CZIB: variants seen among roughly 807,000 people sequenced by gnomAD.
CZIB encodes UPF0587 protein C1orf123.
In CZIB, 26 loss-of-function variants were observed where a neutral mutation model predicts 28.3. The observed-to-expected ratio is 0.92, with a 90% CI of 0.67 to 1.27. CZIB has a LOEUF of 1.27. Among genes scored for constraint, CZIB ranks in the 50% most tolerant of loss-of-function variants. CZIB has a pLI of 0.00. For synonymous variants in CZIB, 78 were observed against 71.1 expected, an observed-to-expected ratio of 1.10 and a Z score of -0.49; for missense variants, 179 against 197.3, an observed-to-expected ratio of 0.91 and a Z score of 0.56.
At chr1:53,218,381 C>G (rs750456320) in intron 4 of CZIB, 33 bp downstream of exon 4, 3 of 1,613,046 alleles carry the variant, frequency 1.9e-6, no homozygotes, top group Non-Finnish European at 2.5e-6. Flanking sequence ...GTGGGCCACC[C>G]TGGCAGAACT....
In CZIB at chr1:53,220,590, C is replaced by A. The variant is rs773175591; in HGVS notation, c.-15G>T. 99 of 1,597,308 alleles carry A rather than the reference C, an allele frequency of 6.2e-5. 1 individual carries two copies. The highest frequency in any genetic ancestry group is 1.0e-5 in the Non-Finnish European group (12 of 1,179,050). The stretch of plus-strand genomic sequence containing the variant: ...CTCACCCCCATGGTAGCCCTCTCCG[C>A]CCGGTGCTGGCTGCGGCCCTTGCCG... On this transcript the variant is annotated 5_prime_UTR_variant, in exon 1 of 8. Transcript: ENST00000294360.
rs1645456355 is a variant in CZIB at position 53,214,557 on chromosome 1, C to T, written c.*102G>A. ...GCAGATTGTGAAGGTTTCGTATAGC[C>T]ACCAGGAGACAAGGGTCAAAGGAAC... On this transcript the variant is annotated 3_prime_UTR_variant, in exon 8 of 8. Coordinates refer to ENST00000294360, the MANE Select transcript of CZIB (RefSeq NM_017887.3). 2 of 947,470 alleles carry T rather than the reference C, an allele frequency of 2.1e-6. No homozygotes were observed. The highest frequency in any genetic ancestry group is 5.0e-5 in the East Asian group (2 of 40,286). 58.7% of individuals were successfully genotyped at this position (947,470 alleles called of 1,614,324 possible). A position where few individuals can be genotyped will look rare whatever the true frequency, so the allele number is the denominator to read the frequency against.
chr1:53,220,308 TG>T lies in CZIB; in HGVS notation c.42del (p.Asn14LysfsTer16). On this transcript the variant is annotated frameshift_variant, in exon 2 of 8. Transcript: ENST00000294360. LOFTEE classifies it high-confidence loss of function. ...IALQLKATLE[N>X]ITNLRPVGED... ...TCGCCCACGGGCCGGAGGTTGGTGA[TG>T]TTCTCCAGCGTGGCTTTGAGTTGCA... The T allele has an allele frequency of 1.2e-6, 2 of 1,613,572 alleles. No individual in the cohort carries two copies. The highest frequency in any genetic ancestry group is 1.7e-6 in the Non-Finnish European group (2 of 1,179,914).
In CZIB at chr1:53,214,576, A is replaced by G. The variant is rs931661630; in HGVS notation, c.*83T>C. On this transcript the variant is annotated 3_prime_UTR_variant, in exon 8 of 8. Transcript: ENST00000294360. ...TATAGCCACCAGGAGACAAGGGTCA[A>G]AGGAACGAGCCTCTGTGGGCTCTGC... is the stretch of plus-strand genomic sequence containing the variant. 2 of 1,231,490 alleles carry G rather than the reference A, an allele frequency of 1.6e-6. No individual in the cohort carries two copies. Among genetic ancestry groups the G allele is most frequent in the Non-Finnish European group, 2.4e-6 (2 of 848,324 alleles). The allele number at this position is 1,231,490 out of a possible 1,614,324, so 76.3% of individuals were successfully genotyped here.
chr1:53,220,095 A>G (rs1645509332), intron 2 of CZIB, 166 bp downstream of exon 2: 1 of 624,258 alleles, frequency 1.6e-6, no homozygotes, highest in Non-Finnish European at 2.7e-6. Context: ...AATTAGAGAT[A>G]AACCAATACA....
At chr1:53,220,210 G>A in intron 2 of CZIB, 51 bp downstream of exon 2, 2 of 1,497,670 alleles carry the variant, frequency 1.3e-6, no homozygotes, top group Non-Finnish European at 9.2e-7. Flanking sequence ...CTCCGGTTCA[G>A]CACTGAGATC....
chr1:53,220,542 G>C lies in CZIB; in HGVS notation c.6+28C>G, dbSNP rs759917785. 2.5e-6 allele frequency: 4 copies of C among 1,600,028 alleles called. No homozygotes were observed. In the South Asian group the frequency reaches 4.4e-5, roughly 18 times the overall value. ...CAGACCCTCGCCACCTCCCCTCCGT[G>C]TCCCCGCGGCGGGCGGCCTCCCCTC... On this transcript the variant is annotated intron_variant, in intron 1 of 7. Coordinates refer to ENST00000294360, the MANE Select transcript of CZIB (RefSeq NM_017887.3).
At position 53,220,560 on chromosome 1, in the gene CZIB, C is replaced by A; in HGVS notation, c.6+10G>T. 6.3e-7 allele frequency: 1 copy of A among 1,599,176 alleles called. No homozygotes were observed. The highest frequency in any genetic ancestry group is 8.5e-7 in the Non-Finnish European group (1 of 1,179,614). ...CCTCCGTGTCCCCGCGGCGGGCGGC[C>A]TCCCCTCACCCCCATGGTAGCCCTC... On this transcript the variant is annotated intron_variant, in intron 1 of 7. Coordinates refer to ENST00000294360, the MANE Select transcript of CZIB (RefSeq NM_017887.3).
chr1:53,220,384 G>A (rs751022994), intron 1 of CZIB, 40 bp from the exon 2 acceptor site: 3 of 1,601,716 alleles, frequency 1.9e-6, no homozygotes, highest in South Asian at 2.2e-5. Context: ...AGCCGTGCCT[G>A]CGCAGCCCCA....
At position 53,218,785 on chromosome 1, in the gene CZIB, G is replaced by A. The variant is rs570402850; in HGVS notation, c.147+82C>T. 627 of 1,382,302 alleles carry A rather than the reference G, an allele frequency of 4.5e-4. 3 individuals are homozygous for A. In the East Asian group the frequency reaches 0.013, roughly 29 times the overall value. 85.6% of individuals were successfully genotyped at this position (1,382,302 alleles called of 1,614,324 possible). A position where few individuals can be genotyped will look rare whatever the true frequency, so the allele number is the denominator to read the frequency against. On this transcript the variant is annotated intron_variant, in intron 3 of 7. Coordinates refer to ENST00000294360, the MANE Select transcript of CZIB (RefSeq NM_017887.3). ...GGGAGCAAAGAACTGGAGAGATGAAGGCCAGTTTCCCCAAATCCCTGCCCA... is the reference window on the plus strand; with the variant it reads ...GGGAGCAAAGAACTGGAGAGATGAAAGCCAGTTTCCCCAAATCCCTGCCCA...
chr1:53,214,350 T>C lies in CZIB; in HGVS notation c.*309A>G, dbSNP rs1645453744. 3.4e-6 allele frequency: 1 copy of C among 296,918 alleles called. No individual in the cohort carries two copies. Among genetic ancestry groups the C allele is most frequent in the Non-Finnish European group, 6.4e-6 (1 of 156,852 alleles). The allele number at this position is 296,918 out of a possible 1,614,324, so 18.4% of individuals were successfully genotyped here. ...CGGTTTCATCTCTGTAAACTTGCCCTTGACTGGGGAGATACCATCTCCTTA... is the reference window on the plus strand; with the variant it reads ...CGGTTTCATCTCTGTAAACTTGCCCCTGACTGGGGAGATACCATCTCCTTA... On this transcript the variant is annotated 3_prime_UTR_variant, in exon 8 of 8. Transcript: ENST00000294360.
chr1:53,214,403 G>C lies in CZIB; in HGVS notation c.*256C>G, dbSNP rs2100281357. 2 of 469,012 alleles carry C rather than the reference G, an allele frequency of 4.3e-6. No homozygotes were observed. The highest frequency in any genetic ancestry group is 6.6e-5 in the East Asian group (2 of 30,090). 29.1% of individuals were successfully genotyped at this position (469,012 alleles called of 1,614,324 possible). Reference sequence around the variant, plus strand: ...AATACTCTTCATTTTCCTAAGGAGTGAACTGCTGCTGCACGAATTCTTATT... The same window carrying C: ...AATACTCTTCATTTTCCTAAGGAGTCAACTGCTGCTGCACGAATTCTTATT... On this transcript the variant is annotated 3_prime_UTR_variant, in exon 8 of 8. Coordinates refer to ENST00000294360, the MANE Select transcript of CZIB (RefSeq NM_017887.3).
intron 3 of CZIB, 61 bp downstream of exon 3, chr1:53,218,806 G>T (rs1645491180): frequency 3.3e-6 from 5 of 1,508,086 alleles, no homozygotes; most frequent in Middle Eastern, 3.4e-4. Flanking sequence ...CCAAATCCCT[G>T]CCCAGAAGTG....
In CZIB at chr1:53,214,491, T is replaced by C; in HGVS notation, c.*168A>G. 1 of 601,212 alleles carries C rather than the reference T, an allele frequency of 1.7e-6. No homozygotes were observed. The highest frequency in any genetic ancestry group is 2.9e-5 in the Admixed American group (1 of 34,808). 37.2% of individuals were successfully genotyped at this position (601,212 alleles called of 1,614,324 possible). A position where few individuals can be genotyped will look rare whatever the true frequency, so the allele number is the denominator to read the frequency against. Reference sequence around the variant, plus strand: ...GCACCAGTGCAGCGTGAACAGGGGCTTTATTGATGGGGCTTGGGAAGCTGT... The same window carrying C: ...GCACCAGTGCAGCGTGAACAGGGGCCTTATTGATGGGGCTTGGGAAGCTGT... On this transcript the variant is annotated 3_prime_UTR_variant, in exon 8 of 8. Coordinates refer to ENST00000294360, the MANE Select transcript of CZIB (RefSeq NM_017887.3).
chr1:53,214,644 G>A lies in CZIB; in HGVS notation c.*15C>T. On this transcript the variant is annotated 3_prime_UTR_variant, in exon 8 of 8. Coordinates refer to ENST00000294360, the MANE Select transcript of CZIB (RefSeq NM_017887.3). ...CCTTTCTCAGTTCTTAAGGGCAACT[G>A]GGAAGGAAGAGGGATCAGCACTTCA... is the stretch of plus-strand genomic sequence containing the variant. The A allele has an allele frequency of 6.2e-7, 1 of 1,611,826 alleles. No individual in the cohort carries two copies. Among genetic ancestry groups the A allele is most frequent in the Non-Finnish European group, 8.5e-7 (1 of 1,178,076 alleles).
chr1:53,219,751 C>T (rs1386201834), intron 2 of CZIB: 1 of 153,592 alleles, frequency 6.5e-6, no homozygotes, highest in Non-Finnish European at 1.5e-5. Context: ...CAGAAGGATG[C>T]TGGGATTTTT....
At chr1:53,215,948 C>T (rs768812658) in intron 7 of CZIB, 43 bp downstream of exon 7, 3 of 1,582,828 alleles carry the variant, frequency 1.9e-6, no homozygotes, top group Admixed American at 1.7e-5. Context: ...ATAATTCCCA[C>T]CAGGTGCCCT....
At chr1:53,220,476 C>T in intron 1 of CZIB, 94 bp downstream of exon 1, 2 of 1,584,390 alleles carry the variant, frequency 1.3e-6, no homozygotes, top group Non-Finnish European at 8.6e-7. Flanking sequence ...TCAGCGCGCA[C>T]CCACTCGCTT....
chr1:53,217,992 G>A, intron 5 of CZIB, 180 bp downstream of exon 5: 2 of 677,084 alleles, frequency 3.0e-6, no homozygotes, highest in Non-Finnish European at 5.1e-6. Flanking sequence ...CACTGCAAGA[G>A]GCAATATACC....
Sources: allele counts gnomAD v4.1 joint callset, GRCh38; gene constraint gnomAD v4.1.1; transcripts MANE v1.5; gene names NCBI Gene and HGNC (gene_info 2026-07-23, HGNC 2026-07-21).